The following PRKCQ variants were observed in gnomAD, a reference collection of about 807,000 sequenced individuals.
PRKCQ encodes protein kinase C theta type.
A neutral mutation model predicts 91.2 loss-of-function variants in PRKCQ; 41 were observed. That is an observed-to-expected ratio of 0.45 (90% CI 0.35 to 0.58). PRKCQ has a LOEUF of 0.58. Ranked by LOEUF, PRKCQ falls within the 20% of genes least tolerant of loss-of-function variation. PRKCQ has a pLI of 0.00. For missense variants in PRKCQ, 673 were observed against 896.5 expected (o/e 0.75, Z 3.18); for synonymous variants, 307 against 316.9 (o/e 0.97, Z 0.33).
rs150351067 is a variant in PRKCQ, at chr10:6,491,747, C to G, written c.726G>C (p.Pro242=). The G allele has an allele frequency of 6.2e-6, 10 of 1,614,168 alleles. No individual in the cohort carries two copies. Among genetic ancestry groups the G allele is most frequent in the Non-Finnish European group, 8.5e-6 (10 of 1,180,024 alleles). ...GGGTCCCACAGTGTTCACAGAAGGT[C>G]GGGCTCTTGTAATTGTAGACTTTAA... is the stretch of plus-strand genomic sequence containing the variant. ...HRFKVYNYKS[P]TFCEHCGTLL... is the part of the protein sequence containing the mutation. The change falls in exon 8 of 18, where the codon CCG becomes CCC. Residue 242 remains proline, a synonymous_variant. Coordinates refer to ENST00000263125, the MANE Select transcript of PRKCQ (RefSeq NM_006257.5).
At chr10:6,394,505 G>C in the PRKCQ span, among the ~76,000 whole-genome samples, 1 of 152,340 alleles carries the variant, frequency 6.6e-6, no homozygotes, top group Non-Finnish European at 1.5e-5. Flanking sequence ...ACAGCTTTCT[G>C]ACTGTCAGCT....
At chr10:6,514,938 C>G in intron 2 of PRKCQ, 80 bp downstream of exon 2, 5 of 1,597,586 alleles carry the variant, frequency 3.1e-6, no homozygotes, top group Middle Eastern at 2.3e-4. Context: ...GTCAAATGTC[C>G]TGGAAGACCT....
intron 4 of PRKCQ, among the ~76,000 whole-genome samples, chr10:6,499,177 G>A (rs1354280579): frequency 6.6e-6 from 1 of 152,160 alleles, no homozygotes; most frequent in Non-Finnish European, 1.5e-5. Flanking sequence ...ATTTACCAAT[G>A]TGAAAAAGGC....
the PRKCQ span, among the ~76,000 whole-genome samples, chr10:6,410,872 G>A: frequency 6.6e-6 from 1 of 151,734 alleles, no homozygotes; most frequent in Non-Finnish European, 1.5e-5. Context: ...AATCCCAGGG[G>A]AGGCTGAGGC....
At chr10:6,494,519 TTC>T (rs912925645) in intron 7 of PRKCQ, among the ~76,000 whole-genome samples, 2 of 152,144 alleles carry the variant, frequency 1.3e-5, no homozygotes, top group African/African-American at 4.8e-5. Flanking sequence ...CCCCTGACAT[TTC>T]TCTGATTTAA....
intron 12 of PRKCQ, 110 bp from the exon 13 acceptor site, chr10:6,464,514 A>T: frequency 1.1e-6 from 1 of 872,952 alleles, no homozygotes. Context: ...CAGTGGCGTG[A>T]TCTCGGGTCA....
rs1836835580 is a variant in PRKCQ, at chr10:6,485,210, G to T, written c.960C>A (p.Leu320=). The T allele has an allele frequency of 1.2e-6, 2 of 1,613,954 alleles. No individual in the cohort carries two copies. Among genetic ancestry groups the T allele is most frequent in the African/African-American group, 1.3e-5 (1 of 74,880 alleles). ...IFREGPVEIG[L]PCSIKNEARP... is the part of the protein sequence containing the mutation. Reference sequence around the variant, plus strand: ...TTGCTTCATTTTTGATGGAGCATGGGAGACCAATTTCAACCGGACCTTCTC... The same window carrying T: ...TTGCTTCATTTTTGATGGAGCATGGTAGACCAATTTCAACCGGACCTTCTC... The change falls in exon 10 of 18, where the codon CTC becomes CTA. Residue 320 remains leucine (L), a synonymous_variant. Transcript: ENST00000263125.
chr10:6,430,069 G>C lies in PRKCQ; in HGVS notation c.1965+741C>G, dbSNP rs891353291. The stretch of plus-strand genomic sequence containing the variant: ...AAGGTTTCACCATGTTGGCCAGGCT[G>C]ACCTCGAACTCCTGACCTCAGGTGA... On this transcript the variant is annotated intron_variant, in intron 17 of 17. Coordinates refer to ENST00000263125, the MANE Select transcript of PRKCQ (RefSeq NM_006257.5). This position sits in a 1 kb window ranked among gnomAD's most constrained non-coding sequence, Gnocchi z 4.7. 2.0e-5 allele frequency among the ~76,000 whole-genome samples: 3 copies of C among 152,178 alleles called. No individual in the cohort carries two copies. Among genetic ancestry groups the C allele is most frequent in the Admixed American group, 6.5e-5 (1 of 15,284 alleles).
downstream of PRKCQ, among the ~76,000 whole-genome samples, chr10:6,423,509 G>T (rs1327332940): frequency 6.6e-6 from 1 of 152,140 alleles, no homozygotes; most frequent in Non-Finnish European, 1.5e-5. Flanking sequence ...CATCAGGATG[G>T]TTCCCTGAGT....
intron 12 of PRKCQ, among the ~76,000 whole-genome samples, chr10:6,472,124 C>T (rs569841011): frequency 1.2e-4 from 19 of 152,148 alleles, no homozygotes; most frequent in Non-Finnish European, 2.2e-4. Context: ...CTGGCTAACA[C>T]GGTGAAACCC....
chr10:6,522,518 A>G (rs1839052698), intron 1 of PRKCQ, among the ~76,000 whole-genome samples: 1 of 152,252 alleles, frequency 6.6e-6, no homozygotes, highest in South Asian at 2.1e-4. Flanking sequence ...GGATGTCCAC[A>G]TAACTGAACC....
intron 4 of PRKCQ, among the ~76,000 whole-genome samples, chr10:6,504,459 C>T (rs1451864408): frequency 6.6e-6 from 1 of 152,218 alleles, no homozygotes; most frequent in East Asian, 1.9e-4. Flanking sequence ...CATATTCTTG[C>T]TCAAGCCTTC....
chr10:6,505,377 G>A (rs370649828), intron 4 of PRKCQ, among the ~76,000 whole-genome samples: 6 of 151,756 alleles, frequency 4.0e-5, no homozygotes, highest in Non-Finnish European at 4.4e-5. Flanking sequence ...AAAAATACTT[G>A]CATTCTGATG....
At chr10:6,580,392 C>T (rs1354580529), upstream of PRKCQ, 1 of 151,738 alleles carries the variant, frequency 6.6e-6, no homozygotes, top group Non-Finnish European at 1.5e-5. Flanking sequence ...CCAGCCTCCC[C>T]GCCAGCCCGG....
At position 6,497,119 on chromosome 10, in the gene PRKCQ, T is replaced by A. The variant is rs367819694; in HGVS notation, c.576A>T (p.Gln192His). ...ACTTCTTGTGAATTGCTGCATTGCA[T>A]TCTGAAAAGAAGAAAAAAATCACAG... ...GLNKQGYQCR[Q>H]CNAAIHKKCI... The change falls in exon 7 of 18, where the codon CAA (glutamine) becomes CAT (histidine). Residue 192 changes from glutamine (Q) to histidine (H), a missense_variant and splice_region_variant. Physicochemically the swap from Gln to His is conservative, Grantham distance 24 (BLOSUM62 0). Transcript: ENST00000263125. The surrounding 1 kb of genome is among the most constrained non-coding windows in gnomAD (Gnocchi z 4.5). 4 of 1,614,062 alleles carry A rather than the reference T, an allele frequency of 2.5e-6. No homozygotes were observed. Among genetic ancestry groups the A allele is most frequent in the Non-Finnish European group, 3.4e-6 (4 of 1,179,960 alleles).
At chr10:6,507,085 G>A (rs1838236133) in intron 4 of PRKCQ, among the ~76,000 whole-genome samples, 1 of 152,150 alleles carries the variant, frequency 6.6e-6, no homozygotes, top group Non-Finnish European at 1.5e-5. Flanking sequence ...GCTTCTTAGA[G>A]CACATCATTT....
chr10:6,460,228 A>G (rs550933164), intron 14 of PRKCQ, among the ~76,000 whole-genome samples: 1 of 151,802 alleles, frequency 6.6e-6, no homozygotes, highest in Admixed American at 6.6e-5. Context: ...ACTTCCATGC[A>G]TGGGCAGGGT....
Position 6,511,182 on chromosome 10 carries a change from A to C in PRKCQ, c.131T>G (p.Met44Arg). Residue 44 changes from methionine (M) to arginine (R), a missense_variant, in exon 3 of 18, where the codon ATG becomes AGG. Coordinates refer to ENST00000263125, the MANE Select transcript of PRKCQ (RefSeq NM_006257.5). ...KEYVESENGQMYIQKKPTMYP... is the reference protein window; with the variant it reads ...KEYVESENGQRYIQKKPTMYP... ...CATGGTAGGCTTTTTCTGGATATAC[A>C]TCTGCCCGTTCTCTAGGAACAGAAA... The C allele has an allele frequency of 1.2e-6, 2 of 1,614,000 alleles. No individual in the cohort carries two copies. Among genetic ancestry groups the C allele is most frequent in the Non-Finnish European group, 8.5e-7 (1 of 1,179,972 alleles).
In PRKCQ at chr10:6,439,974, T is replaced by G. The variant is rs530509024; in HGVS notation, c.1836+1919A>C. On this transcript the variant is annotated intron_variant, in intron 16 of 17. Transcript: ENST00000263125. The stretch of plus-strand genomic sequence containing the variant: ...TTGAATTATAATCCTATAATCCCCA[T>G]GTGTCACGGGAGGGACTCGATGGGA... 4.1e-4 allele frequency among the ~76,000 whole-genome samples: 62 copies of G among 152,272 alleles called. 1 individual carries two copies. The highest frequency in any genetic ancestry group is 1.2e-3 in the South Asian group (6 of 4,822).
Sources: allele counts gnomAD v4.1 joint callset (sites outside exome capture counted in the v4.1 genomes callset), GRCh38; gene constraint gnomAD v4.1.1; non-coding constraint Gnocchi (gnomAD v3.1); transcripts MANE v1.5; gene names NCBI Gene and HGNC (gene_info 2026-07-23, HGNC 2026-07-21).